NEBL: variants seen among roughly 807,000 people sequenced by gnomAD.
The protein encoded by NEBL is nebulette.
In NEBL, 122 loss-of-function variants were observed where a neutral mutation model predicts 140.2. The observed-to-expected ratio is 0.87, with a 90% CI of 0.75 to 1.01. The LOEUF (loss-of-function observed/expected upper bound fraction) is 1.01. Ranked by LOEUF, NEBL falls within the 50% of genes least tolerant of loss-of-function variation. NEBL has a pLI of 0.00. For missense variants in NEBL, 1,365 were observed against 1,231.3 expected (o/e 1.11, Z -1.62); for synonymous variants, 436 against 398.9 (o/e 1.09, Z -1.11).
At chr10:20,800,039 T>C (rs1411498051) in intron 26 of NEBL, among the ~76,000 whole-genome samples, 2 of 152,082 alleles carry the variant, frequency 1.3e-5, no homozygotes, top group African/African-American at 4.8e-5. Flanking sequence ...ATAATTTTAT[T>C]AACTACAGTC....
intron 2 of NEBL, among the ~76,000 whole-genome samples, chr10:21,128,141 G>C (rs534235359): frequency 6.6e-6 from 1 of 152,096 alleles, no homozygotes; most frequent in Admixed American, 6.5e-5. Context: ...CAAATTCAAA[G>C]GAAACACAAA....
chr10:21,244,195 A>G (rs2035434), intron 3 of NEBL, among the ~76,000 whole-genome samples: 45,110 of 151,536 alleles, frequency 0.3, 8,066 homozygotes, highest in African/African-American at 0.5. Context: ...TGACAGTCTT[A>G]CTCTGTCTCC....
chr10:21,000,643 C>A (rs568106178), intron 3 of NEBL, among the ~76,000 whole-genome samples: 1 of 152,212 alleles, frequency 6.6e-6, no homozygotes, highest in Non-Finnish European at 1.5e-5. Context: ...AAACTCTGAA[C>A]ATTTTGAGAT....
chr10:20,912,728 G>A (rs982249421), intron 4 of NEBL, among the ~76,000 whole-genome samples: 117 of 151,916 alleles, frequency 7.7e-4, no homozygotes, highest in Non-Finnish European at 8.8e-5. Flanking sequence ...TGGTTAAAAC[G>A]TTGTGACTTG....
At chr10:20,947,460 C>T (rs1048536684) in intron 4 of NEBL, among the ~76,000 whole-genome samples, 1 of 152,076 alleles carries the variant, frequency 6.6e-6, no homozygotes, top group African/African-American at 2.4e-5. Flanking sequence ...CATTCCCCTC[C>T]CCACCCCACT....
intron 3 of NEBL, among the ~76,000 whole-genome samples, chr10:20,991,440 T>C (rs1432936043): frequency 1.3e-5 from 2 of 152,236 alleles, no homozygotes; most frequent in Non-Finnish European, 2.9e-5. Context: ...TTAAATCAAT[T>C]AGATTTTCAT....
chr10:21,246,387 C>T (rs563300525), intron 3 of NEBL, among the ~76,000 whole-genome samples: 2 of 152,174 alleles, frequency 1.3e-5, no homozygotes, highest in South Asian at 2.1e-4. Flanking sequence ...GAAAATGTTA[C>T]GTCATACAAA....
chr10:20,893,345 A>C (rs773581101), intron 2 of NEBL, among the ~76,000 whole-genome samples: 3 of 152,210 alleles, frequency 2.0e-5, no homozygotes, highest in Non-Finnish European at 4.4e-5. Context: ...GACAGAGAGA[A>C]TATCTGTGAA....
chr10:21,161,855 C>A (rs979191807), intron 2 of NEBL, among the ~76,000 whole-genome samples: 1 of 152,152 alleles, frequency 6.6e-6, no homozygotes, highest in African/African-American at 2.4e-5. Flanking sequence ...GGGAGGCATA[C>A]TCTAAATACT....
rs375714953 is a variant in NEBL at position 20,812,836 on chromosome 10, G to A, written c.2451C>T (p.Ser817=). The change falls in exon 24 of 28, where the codon AGC becomes AGT. Residue 817 remains serine (S), a synonymous_variant. Transcript: ENST00000377122. ...GGTGGACCCCTTTATAGGCAGCATC[G>A]CTGACCACCTGGGTGTTCTTCCTCA... ...ERVRKNTQVV[S]DAAYKGVHPH... is the part of the protein sequence containing the mutation. The A allele has an allele frequency of 8.7e-6, 14 of 1,613,812 alleles. No homozygotes were observed. Among genetic ancestry groups the A allele is most frequent in the Middle Eastern group, 1.6e-4 (1 of 6,084 alleles).
At chr10:20,911,389 T>G (rs995907754) in intron 4 of NEBL, among the ~76,000 whole-genome samples, 2 of 152,202 alleles carry the variant, frequency 1.3e-5, no homozygotes, top group Non-Finnish European at 2.9e-5. Flanking sequence ...ATATACCCGT[T>G]GTGAGCATTC....
At chr10:20,956,087 A>T (rs1237411568) in intron 4 of NEBL, among the ~76,000 whole-genome samples, 1 of 152,164 alleles carries the variant, frequency 6.6e-6, no homozygotes, top group Non-Finnish European at 1.5e-5. Context: ...ATTGAGGCTA[A>T]AAAGAAGAGA....
chr10:21,088,428 G>C (rs926726300), intron 2 of NEBL, among the ~76,000 whole-genome samples: 7 of 152,058 alleles, frequency 4.6e-5, no homozygotes, highest in African/African-American at 1.7e-4. Context: ...AGGCTGTAGT[G>C]GGCTATGATG....
chr10:21,152,243 C>A (rs975232215), intron 2 of NEBL, among the ~76,000 whole-genome samples: 1 of 152,156 alleles, frequency 6.6e-6, no homozygotes, highest in African/African-American at 2.4e-5. Flanking sequence ...TCTGGCCACC[C>A]CTTGACTTCC....
At chr10:20,998,830 A>C (rs1317617330) in intron 3 of NEBL, among the ~76,000 whole-genome samples, 1 of 152,178 alleles carries the variant, frequency 6.6e-6, no homozygotes, top group Non-Finnish European at 1.5e-5. Flanking sequence ...TAATTCGATC[A>C]CTTTGTTTGT....
intron 12 of NEBL, among the ~76,000 whole-genome samples, chr10:20,843,137 T>A (rs1841551254): frequency 1.3e-5 from 2 of 152,056 alleles, no homozygotes; most frequent in African/African-American, 2.4e-5. Flanking sequence ...TGGGACTCCC[T>A]TGATAAGATT....
intron 13 of NEBL, among the ~76,000 whole-genome samples, chr10:20,839,573 TA>T (rs1220339222): frequency 1.3e-5 from 2 of 152,196 alleles, no homozygotes; most frequent in African/African-American, 4.8e-5. Flanking sequence ...AAGTGCCTTT[TA>T]AATGTTTCCT....
At chr10:21,118,787 A>T (rs556939868) in intron 2 of NEBL, among the ~76,000 whole-genome samples, 8 of 152,274 alleles carry the variant, frequency 5.3e-5, no homozygotes, top group African/African-American at 1.9e-4. Flanking sequence ...TCTCTTTCCT[A>T]TGAATGCATA....
At chr10:20,886,666 G>A (rs1436211909) in intron 4 of NEBL, among the ~76,000 whole-genome samples, 2 of 152,284 alleles carry the variant, frequency 1.3e-5, no homozygotes, top group East Asian at 1.9e-4. Context: ...TTCATGTGCC[G>A]GCGCTGCCAT....
Sources: gnomAD v4.1 joint callset for allele counts (sites outside exome capture counted in the v4.1 genomes callset) on GRCh38, gnomAD v4.1.1 for gene constraint, MANE v1.5 for transcripts, NCBI Gene and HGNC (gene_info 2026-07-23, HGNC 2026-07-21) for gene names.